Variants in RBMS1 observed in about 807,000 individuals in gnomAD.
RBMS1 encodes RNA-binding motif, single-stranded-interacting protein 1.
RBMS1 carries 17 observed loss-of-function variants against 62.3 expected under a neutral mutation model. The ratio of observed to expected loss-of-function variants is 0.27; its 90% CI spans 0.19 to 0.41. The LOEUF is 0.41. Ranked by LOEUF, RBMS1 falls within the 10% of genes least tolerant of loss-of-function variation. RBMS1 has a pLI of 1.00. For missense variants in RBMS1, 334 were observed against 504.5 expected (o/e 0.66, Z 3.24); for synonymous variants, 172 against 170.0 (o/e 1.01, Z -0.09).
At chr2:160,373,081 A>G (rs1055458860) in intron 1 of RBMS1, among the ~76,000 whole-genome samples, 1 of 152,188 alleles carries the variant, frequency 6.6e-6, no homozygotes, top group Non-Finnish European at 1.5e-5. Flanking sequence ...TTGGAAAAAA[A>G]CTTTGCAGCT....
chr2:160,405,028 C>T (rs183929188), intron 1 of RBMS1, among the ~76,000 whole-genome samples: 23 of 152,264 alleles, frequency 1.5e-4, no homozygotes, highest in Non-Finnish European at 2.1e-4. Context: ...TTAATCTATG[C>T]CTCAGTGTTC....
At chr2:160,299,337 G>C (rs1030891294) in intron 6 of RBMS1, among the ~76,000 whole-genome samples, 1 of 152,184 alleles carries the variant, frequency 6.6e-6, no homozygotes, top group Non-Finnish European at 1.5e-5. Flanking sequence ...TTGGCATGAA[G>C]TAATTCATAG....
At chr2:160,474,589 T>C (rs1685051700) in intron 1 of RBMS1, among the ~76,000 whole-genome samples, 1 of 152,208 alleles carries the variant, frequency 6.6e-6, no homozygotes, top group Non-Finnish European at 1.5e-5. Flanking sequence ...CGCCACTGAA[T>C]TGTACACAAA....
At chr2:160,290,879 T>C (rs1688638075) in intron 6 of RBMS1, among the ~76,000 whole-genome samples, 1 of 152,188 alleles carries the variant, frequency 6.6e-6, no homozygotes, top group Non-Finnish European at 1.5e-5. Context: ...CTTGATTTTG[T>C]GGTACTGACA....
intron 1 of RBMS1, among the ~76,000 whole-genome samples, chr2:160,435,121 T>C (rs914727680): frequency 2.0e-5 from 3 of 152,362 alleles, no homozygotes; most frequent in African/African-American, 7.2e-5. Context: ...AAGATCTTGC[T>C]AACTTTCTAT....
chr2:160,368,068 A>G (rs547049472), intron 1 of RBMS1, among the ~76,000 whole-genome samples: 22 of 152,322 alleles, frequency 1.4e-4, no homozygotes, highest in Admixed American at 1.1e-3. Context: ...CAAAGGACTC[A>G]GTGTGGTTTT....
intron 2 of RBMS1, among the ~76,000 whole-genome samples, chr2:160,323,760 G>A (rs1014565169): frequency 6.6e-6 from 1 of 152,066 alleles, no homozygotes; most frequent in Non-Finnish European, 1.5e-5. Context: ...AGCTCTGACA[G>A]TAAAAAGATG....
chr2:160,370,327 T>G (rs1057423146), intron 1 of RBMS1, among the ~76,000 whole-genome samples: 12 of 152,200 alleles, frequency 7.9e-5, no homozygotes, highest in African/African-American at 2.7e-4. Context: ...AACCCAAGAT[T>G]ACGTTTTTAG....
At chr2:160,303,573 C>T in intron 4 of RBMS1, 86 bp from the exon 5 acceptor site, 1 of 1,424,556 alleles carries the variant, frequency 7.0e-7, no homozygotes, top group Non-Finnish European at 9.5e-7. Flanking sequence ...TAGCTACTTT[C>T]TTTGCTCAAG....
chr2:160,275,577 T>C (rs566136503), intron 13 of RBMS1, 53 bp downstream of exon 13: 1 of 1,594,614 alleles, frequency 6.3e-7, no homozygotes, highest in East Asian at 2.2e-5. Flanking sequence ...AAAAAAGCCC[T>C]ATAGATTGTG....
intron 4 of RBMS1, among the ~76,000 whole-genome samples, chr2:160,306,928 T>C (rs534793185): frequency 6.6e-6 from 1 of 152,266 alleles, no homozygotes; most frequent in African/African-American, 2.4e-5. Flanking sequence ...AAAACACTTA[T>C]TCTTTCAATT....
At chr2:160,327,786 T>C (rs966581346) in intron 2 of RBMS1, among the ~76,000 whole-genome samples, 1 of 152,198 alleles carries the variant, frequency 6.6e-6, no homozygotes, top group African/African-American at 2.4e-5. Context: ...AAGTAAAATG[T>C]ATATTATCTA....
At chr2:160,380,775 C>T (rs562617627) in intron 1 of RBMS1, among the ~76,000 whole-genome samples, 5 of 152,134 alleles carry the variant, frequency 3.3e-5, no homozygotes, top group East Asian at 1.9e-4. Flanking sequence ...TTCTCCACTG[C>T]GGCCAGGAAG....
At chr2:160,425,835 A>G (rs1216016255) in intron 1 of RBMS1, among the ~76,000 whole-genome samples, 1 of 152,124 alleles carries the variant, frequency 6.6e-6, no homozygotes, top group Admixed American at 6.6e-5. Context: ...CATAACTAAG[A>G]TTCTTATTCC....
chr2:160,436,340 C>T (rs1227286047), intron 1 of RBMS1, among the ~76,000 whole-genome samples: 2 of 152,156 alleles, frequency 1.3e-5, no homozygotes, highest in South Asian at 2.1e-4. Flanking sequence ...CCAAGCTCCC[C>T]GTGTAGAGAG....
intron 1 of RBMS1, among the ~76,000 whole-genome samples, chr2:160,451,731 C>T (rs1359335582): frequency 6.6e-6 from 1 of 152,018 alleles, no homozygotes; most frequent in Non-Finnish European, 1.5e-5. Flanking sequence ...GCCTCAGCCA[C>T]CCGAGTAGCT....
chr2:160,323,113 T>A (rs998935634), intron 2 of RBMS1, among the ~76,000 whole-genome samples: 3 of 152,092 alleles, frequency 2.0e-5, no homozygotes, highest in Non-Finnish European at 2.9e-5. Flanking sequence ...GACATCTGGG[T>A]ACAAATTCAT....
rs564197683 is a variant in RBMS1, at chr2:160,384,133, C to T, written c.76-16742G>A. ...AATGGTGTGAACCTGGGAGGCGGAG[C>T]TTGCAGTGAGCCAAGATCGTGCCAC... On this transcript the variant is annotated intron_variant, in intron 1 of 13. Coordinates refer to ENST00000348849, the MANE Select transcript of RBMS1 (RefSeq NM_016836.4). 5.3e-5 allele frequency among the ~76,000 whole-genome samples: 8 copies of T among 152,284 alleles called. No homozygotes were observed. In the South Asian group the frequency reaches 1.0e-3, roughly 20 times the overall value.
chr2:160,407,751 G>C, intron 1 of RBMS1: 1 of 981,314 alleles, frequency 1.0e-6, no homozygotes. Flanking sequence ...CGGCGCGGCA[G>C]CGGGCGAGAC....
Sources: gnomAD v4.1 joint callset for allele counts (sites outside exome capture counted in the v4.1 genomes callset) on GRCh38, gnomAD v4.1.1 for gene constraint, MANE v1.5 for transcripts, NCBI Gene and HGNC (gene_info 2026-07-23, HGNC 2026-07-21) for gene names.